Variants in NOS1AP observed in about 807,000 individuals in gnomAD.
The protein encoded by NOS1AP is nitric oxide synthase 1 adaptor protein.
A neutral mutation model predicts 56.2 loss-of-function variants in NOS1AP; 21 were observed. That is an observed-to-expected ratio of 0.37 (90% confidence interval 0.26 to 0.54). The LOEUF (loss-of-function observed/expected upper bound fraction) is 0.54, where lower values mean the gene tolerates loss of function less well. NOS1AP is among the 20% of genes least tolerant of loss of function. NOS1AP has a pLI of 0.84. For synonymous variants in NOS1AP, 270 were observed against 274.6 expected (o/e 0.98, Z 0.17); for missense variants, 522 against 657.8 (o/e 0.79, Z 2.26).
At chr1:162,226,157 G>A (rs1571143012) in intron 2 of NOS1AP, among the ~76,000 whole-genome samples, 2 of 152,262 alleles carry the variant, frequency 1.3e-5, no homozygotes, top group African/African-American at 4.8e-5. Context: ...GCTGGGCGTG[G>A]TGGTGCATGC....
chr1:162,228,944 T>C (rs1653032558), intron 2 of NOS1AP, among the ~76,000 whole-genome samples: 1 of 152,194 alleles, frequency 6.6e-6, no homozygotes, highest in Non-Finnish European at 1.5e-5. Flanking sequence ...TAAATAACTG[T>C]AATTAATACA....
intron 4 of NOS1AP, among the ~76,000 whole-genome samples, chr1:162,310,486 C>A (rs931348531): frequency 1.3e-5 from 2 of 152,214 alleles, no homozygotes; most frequent in Non-Finnish European, 2.9e-5. Flanking sequence ...GCCCATCTGG[C>A]GGATATGAGT....
At chr1:162,080,870 T>C (rs1691870427) in intron 1 of NOS1AP, among the ~76,000 whole-genome samples, 1 of 152,210 alleles carries the variant, frequency 6.6e-6, no homozygotes, top group East Asian at 1.9e-4. Flanking sequence ...ATGAAACGAT[T>C]AATTTAATTC....
At chr1:162,154,519 G>A in intron 2 of NOS1AP, 43 bp downstream of exon 2, 2 of 1,596,802 alleles carry the variant, frequency 1.3e-6, no homozygotes, top group Admixed American at 3.3e-5. Flanking sequence ...GGAGTCAAGT[G>A]CCTTAGCTGC....
intron 6 of NOS1AP, among the ~76,000 whole-genome samples, chr1:162,350,450 GACTCCAAGCCAGGTGGAGCCACTGCCC>G (rs1211114274): frequency 1.3e-5 from 2 of 152,124 alleles, no homozygotes; most frequent in Non-Finnish European, 2.9e-5. Context: ...CCATCCCTGG[GACTCCAAGCCAGGTGGAGCCACTGCCC>G]CTGTGGCACT....
intron 2 of NOS1AP, among the ~76,000 whole-genome samples, chr1:162,219,498 C>T (rs1652695807): frequency 1.3e-5 from 2 of 152,126 alleles, no homozygotes; most frequent in Admixed American, 1.3e-4. Flanking sequence ...CCTTTCATCT[C>T]TGTCTCCCCT....
At chr1:162,323,827 G>A (rs1656493928) in intron 4 of NOS1AP, among the ~76,000 whole-genome samples, 1 of 152,162 alleles carries the variant, frequency 6.6e-6, no homozygotes, top group South Asian at 2.1e-4. Context: ...TGAGCCTTTG[G>A]CTCTGTTCTG....
chr1:162,168,723 T>A (rs1326851357), intron 2 of NOS1AP, among the ~76,000 whole-genome samples: 2 of 152,214 alleles, frequency 1.3e-5, no homozygotes, highest in Non-Finnish European at 1.5e-5. Flanking sequence ...TCCTCTTTCC[T>A]TCCTCCCTTT....
Position 162,240,646 on chromosome 1 carries a change from C to T in NOS1AP, c.178-46698C>T, listed in dbSNP as rs917037730. Among the ~76,000 whole-genome samples the T allele has an allele frequency of 4.6e-5, 7 of 152,166 alleles. No individual in the cohort carries two copies. The South Asian group carries it at 1.2e-3, about 27-fold the overall frequency. On this transcript the variant is annotated intron_variant, in intron 2 of 9. Transcript: ENST00000361897. ...ACGTGGAGTAAAGATAAAACATCAG[C>T]GTGTTATTTGGCAGCTTTTTGTTTG...
intron 2 of NOS1AP, among the ~76,000 whole-genome samples, chr1:162,242,940 T>C (rs534041792): frequency 1.1e-4 from 16 of 151,680 alleles, no homozygotes; most frequent in African/African-American, 3.9e-4. Flanking sequence ...AATAGAGGAG[T>C]TTATTTTGCA....
At chr1:162,329,094 A>T (rs893532675) in intron 4 of NOS1AP, among the ~76,000 whole-genome samples, 3 of 152,234 alleles carry the variant, frequency 2.0e-5, no homozygotes, top group African/African-American at 7.2e-5. Flanking sequence ...TTTCTTCCAG[A>T]TAATGTTTTT....
intron 1 of NOS1AP, among the ~76,000 whole-genome samples, chr1:162,123,894 T>C (rs2102055130): frequency 6.6e-6 from 1 of 152,294 alleles, no homozygotes; most frequent in South Asian, 2.1e-4. Flanking sequence ...AACAAGAATA[T>C]TTTCTTATAT....
rs11433685 is a variant in NOS1AP at position 162,305,387 on chromosome 1, AT to A, written c.344+4693del. On this transcript the variant is annotated intron_variant, in intron 4 of 9. Transcript: ENST00000361897. ...GTGGACATCTAAACCAATTCCTCCT[AT>A]TTTTTTTTTTTCAGTTTATCCTTTA... Among the ~76,000 whole-genome samples, 654 of 140,086 alleles carry A rather than the reference AT, an allele frequency of 4.7e-3. 5 individuals carry two copies. Among genetic ancestry groups the A allele is most frequent in the Middle Eastern group, 0.011 (3 of 270 alleles). The allele number at this position is 140,086 out of a possible 152,430, so 91.9% of individuals were successfully genotyped here.
chr1:162,124,507 G>GTAT (rs77245896), intron 1 of NOS1AP, among the ~76,000 whole-genome samples: 1 of 150,648 alleles, frequency 6.6e-6, no homozygotes, highest in African/African-American at 2.4e-5. Flanking sequence ...GTGTGTGTGT[G>GTAT]ACACACACAC....
intron 2 of NOS1AP, among the ~76,000 whole-genome samples, chr1:162,165,832 T>A (rs1650467596): frequency 1.3e-5 from 2 of 152,192 alleles, no homozygotes; most frequent in South Asian, 4.1e-4. Context: ...TTTTTGGAGG[T>A]TGAGACTTGT....
At chr1:162,331,257 G>A (rs1344770776) in intron 4 of NOS1AP, among the ~76,000 whole-genome samples, 1 of 152,124 alleles carries the variant, frequency 6.6e-6, no homozygotes, top group Non-Finnish European at 1.5e-5. Context: ...GTACTGAAAT[G>A]CCTGCTAGCT....
At chr1:162,126,786 C>G (rs571773827) in intron 1 of NOS1AP, among the ~76,000 whole-genome samples, 28 of 152,224 alleles carry the variant, frequency 1.8e-4, no homozygotes, top group Admixed American at 1.5e-3. Context: ...TAATAATTTT[C>G]TAGTTTGTTT....
chr1:162,244,239 G>A (rs530954776), intron 2 of NOS1AP, among the ~76,000 whole-genome samples: 1 of 152,030 alleles, frequency 6.6e-6, no homozygotes, highest in Non-Finnish European at 1.5e-5. Flanking sequence ...GACAGGTGCT[G>A]GGAACCTGTC....
chr1:162,081,477 G>A (rs1691884120), intron 1 of NOS1AP, among the ~76,000 whole-genome samples: 1 of 151,678 alleles, frequency 6.6e-6, no homozygotes, highest in Non-Finnish European at 1.5e-5. Flanking sequence ...TCTTGCCTGT[G>A]CATTTCCTGT....
Sources: allele counts gnomAD v4.1 joint callset (sites outside exome capture counted in the v4.1 genomes callset), GRCh38; gene constraint gnomAD v4.1.1; transcripts MANE v1.5; gene names NCBI Gene and HGNC (gene_info 2026-07-23, HGNC 2026-07-21).